RAPH1: variants seen among roughly 807,000 people sequenced by gnomAD.
RAPH1 encodes the protein ras-associated and pleckstrin homology domains-containing protein 1.
Under a neutral mutation model 88.1 loss-of-function variants are expected in RAPH1, and 18 were observed. The ratio of observed to expected loss-of-function variants is 0.20; its 90% CI spans 0.14 to 0.30. The LOEUF is 0.30. Among genes scored for constraint, RAPH1 ranks in the 10% least tolerant of loss-of-function variants. The pLI is 1.00. For synonymous variants in RAPH1, 587 were observed against 559.0 expected (o/e 1.05, Z -0.71); for missense variants, 1,448 against 1,543.2 (o/e 0.94, Z 1.03).
intron 4 of RAPH1, chr2:203,477,087 C>T (rs370630958): frequency 3.7e-6 from 6 of 1,612,812 alleles, no homozygotes; most frequent in Non-Finnish European, 5.1e-6. Context: ...GGTGTCAGCT[C>T]AGCCTGTTCT....
Position 203,448,766 on chromosome 2 carries a change from T to C in RAPH1, c.1484A>G (p.Gln495Arg). 3.1e-6 allele frequency: 5 copies of C among 1,610,226 alleles called. No homozygotes were observed. The highest frequency in any genetic ancestry group is 3.4e-6 in the Non-Finnish European group (4 of 1,178,290). ...TGCAATGCGGATCCCATTGACCCACTGATGCAGTGTCCTCACATCATCACA... is the reference window on the plus strand; with the variant it reads ...TGCAATGCGGATCCCATTGACCCACCGATGCAGTGTCCTCACATCATCACA... ...LCCDDVRTLHQWVNGIRIAKY... is the reference protein window; with the variant it reads ...LCCDDVRTLHRWVNGIRIAKY... Residue 495 changes from glutamine (Q) to arginine (R), a missense_variant, in exon 11 of 14, where the codon CAG becomes CGG. By Grantham distance (43) the Gln-to-Arg change is conservative (BLOSUM62 1). Transcript: ENST00000319170. The surrounding 1 kb of genome is among the most constrained non-coding windows in gnomAD (Gnocchi z 4.1).
intron 1 of RAPH1, among the ~76,000 whole-genome samples, chr2:203,511,595 C>T (rs16839866): frequency 0.017 from 2,573 of 152,226 alleles, 75 homozygotes; most frequent in African/African-American, 0.056. Flanking sequence ...GTATAATTAT[C>T]GGTACATTTG....
chr2:203,510,051 G>C (rs1448473543), intron 1 of RAPH1, among the ~76,000 whole-genome samples: 1 of 151,926 alleles, frequency 6.6e-6, no homozygotes, highest in African/African-American at 2.4e-5. Flanking sequence ...ACAGTCTCAG[G>C]TATTTCTTTA....
intron 1 of RAPH1, among the ~76,000 whole-genome samples, chr2:203,507,872 T>A (rs946287718): frequency 6.6e-6 from 1 of 152,254 alleles, no homozygotes; most frequent in African/African-American, 2.4e-5. Flanking sequence ...TTCCTGATTT[T>A]GATAACAGTA....
rs753883750 is a variant in RAPH1 at position 203,455,466 on chromosome 2, T to C, written c.1273A>G (p.Ile425Val). Residue 425 changes from isoleucine to valine, a missense_variant, in exon 9 of 14, where the codon ATC becomes GTC. Ile to Val is a conservative substitution (Grantham distance 29). Coordinates refer to ENST00000319170, the MANE Select transcript of RAPH1 (RefSeq NM_213589.3). ...GCTTTTCCTTTGGGAACATAGTAGA[T>C]ACCAGATGCTCGCAAGAGAAAATAA... is the stretch of plus-strand genomic sequence containing the variant. ...KRYFLLRASGIYYVPKGKAKV... is the reference protein window; with the variant it reads ...KRYFLLRASGVYYVPKGKAKV... 1.9e-6 allele frequency: 3 copies of C among 1,614,016 alleles called. No individual in the cohort carries two copies. Among genetic ancestry groups the C allele is most frequent in the South Asian group, 1.1e-5 (1 of 91,042 alleles).
At position 203,491,238 on chromosome 2, in the gene RAPH1, G is replaced by C. The variant is rs745518669; in HGVS notation, c.202C>G (p.Arg68Gly). ...QETNMANFSY[R>G]FSIYNLNEAL... ...CCATTCAAGTTGTATATGGAGAAGC[G>C]GTAAGAAAAGTTGGCCATGTTTGTT... Residue 68 changes from arginine to glycine, a missense_variant, in exon 3 of 14, where the codon CGC (arginine) becomes GGC (glycine). This residue lies in a region of RAPH1 where 513 missense variants were observed against 653.1 expected (regional missense o/e 0.79). Transcript: ENST00000319170. The C allele has an allele frequency of 6.2e-7, 1 of 1,611,678 alleles. No individual in the cohort carries two copies. The highest frequency in any genetic ancestry group is 1.1e-5 in the South Asian group (1 of 90,964).
chr2:203,500,339 AAAGACG>A (rs1687513638), intron 1 of RAPH1, among the ~76,000 whole-genome samples: 1 of 152,226 alleles, frequency 6.6e-6, no homozygotes, highest in African/African-American at 2.4e-5. Flanking sequence ...ACAAGGGTAT[AAAGACG>A]TGAGAACAAC....
chr2:203,530,954 AATGAGT>A (rs1295920801), intron 1 of RAPH1, among the ~76,000 whole-genome samples: 1 of 152,150 alleles, frequency 6.6e-6, no homozygotes, highest in Non-Finnish European at 1.5e-5. Flanking sequence ...TGTATATATG[AATGAGT>A]ATGAGTGCCA....
intron 1 of RAPH1, among the ~76,000 whole-genome samples, chr2:203,500,852 A>G (rs1056329769): frequency 1.3e-5 from 2 of 152,186 alleles, no homozygotes; most frequent in Non-Finnish European, 2.9e-5. Flanking sequence ...ACACACCCCA[A>G]TTATTCCTCT....
At chr2:203,455,147 CCAAA>C (rs1315444382) in intron 9 of RAPH1, among the ~76,000 whole-genome samples, 1 of 152,028 alleles carries the variant, frequency 6.6e-6, no homozygotes, top group African/African-American at 2.4e-5. Context: ...GCTGTTCTTC[CCAAA>C]CAAAAATAAA....
chr2:203,459,734 T>G (rs1354700981), intron 7 of RAPH1, among the ~76,000 whole-genome samples, 173 bp downstream of exon 7: 1 of 152,142 alleles, frequency 6.6e-6, no homozygotes, highest in Non-Finnish European at 1.5e-5. Context: ...CCAGCTGACT[T>G]TCCACCTCAG....
At chr2:203,495,172 C>A in intron 2 of RAPH1, 62 bp downstream of exon 2, 2 of 1,591,974 alleles carry the variant, frequency 1.3e-6, no homozygotes, top group South Asian at 2.2e-5. Flanking sequence ...CTCTTCTGCA[C>A]ATTAAACTTT....
chr2:203,486,750 C>T (rs1466011520), intron 4 of RAPH1, among the ~76,000 whole-genome samples: 3 of 152,176 alleles, frequency 2.0e-5, no homozygotes, highest in Admixed American at 6.5e-5. Context: ...ATATATTAAG[C>T]TTGCCTCAGT....
chr2:203,490,945 G>A (rs527642073), intron 3 of RAPH1, among the ~76,000 whole-genome samples: 41 of 151,876 alleles, frequency 2.7e-4, no homozygotes, highest in African/African-American at 9.7e-4. Context: ...TCGGGAGGCT[G>A]GGGCAGGAGA....
intron 13 of RAPH1, chr2:203,442,232 A>G: frequency 1.4e-6 from 1 of 703,042 alleles, no homozygotes; most frequent in South Asian, 2.5e-5. Flanking sequence ...TTTGCCAACA[A>G]CCAACCCATC....
intron 1 of RAPH1, among the ~76,000 whole-genome samples, chr2:203,510,335 CAA>C (rs33911103): frequency 2.4e-4 from 9 of 38,118 alleles, no homozygotes; most frequent in African/African-American, 8.0e-4. Context: ...AACTCCATCT[CAA>C]AAAAAAAAAA....
In RAPH1 at chr2:203,459,891, A is replaced by AAG; in HGVS notation, c.1092+15_1092+16insCT. On this transcript the variant is annotated intron_variant, in intron 7 of 13. Coordinates refer to ENST00000319170, the MANE Select transcript of RAPH1 (RefSeq NM_213589.3). ...ATATTTACAAATCCTGACCTCTGTAAGTTGTTTGGTCTTACCTGTGGGTTT... is the reference window on the plus strand; with the variant it reads ...ATATTTACAAATCCTGACCTCTGTAAAGGTTGTTTGGTCTTACCTGTGGGTTT... The AAG allele has an allele frequency of 6.2e-7, 1 of 1,607,678 alleles. No individual in the cohort carries two copies. The highest frequency in any genetic ancestry group is 1.3e-5 in the African/African-American group (1 of 74,530).
chr2:203,522,739 T>C (rs1326852522), intron 1 of RAPH1, among the ~76,000 whole-genome samples: 1 of 151,408 alleles, frequency 6.6e-6, no homozygotes, highest in Admixed American at 6.6e-5. Context: ...TCATCTCTAC[T>C]AAAACTACAA....
chr2:203,502,704 T>C (rs1001472322), intron 1 of RAPH1, among the ~76,000 whole-genome samples: 3 of 150,836 alleles, frequency 2.0e-5, no homozygotes. Flanking sequence ...CCTGTAGTCC[T>C]AGCTACTCGG....
Sources: allele counts gnomAD v4.1 joint callset (sites outside exome capture counted in the v4.1 genomes callset), GRCh38; gene constraint gnomAD v4.1.1; regional missense constraint gnomAD v4.1.1; non-coding constraint Gnocchi (gnomAD v3.1); transcripts MANE v1.5; gene names NCBI Gene and HGNC (gene_info 2026-07-23, HGNC 2026-07-21).